Variants in INIP observed in about 807,000 individuals in gnomAD.
INIP encodes INTS3 and NABP interacting protein.
A neutral mutation model predicts 14.0 loss-of-function variants in INIP; 9 were observed. The ratio of observed to expected loss-of-function variants is 0.64; its 90% CI spans 0.39 to 1.12. The LOEUF (loss-of-function observed/expected upper bound fraction) is 1.12. INIP is among the 50% of genes most tolerant of loss of function. The pLI is 0.01. For synonymous variants in INIP, 37 were observed against 41.5 expected (o/e 0.89, Z 0.41); for missense variants, 78 against 122.7 (o/e 0.64, Z 1.72).
chr9:112,708,222 G>A (rs1169903210), intron 2 of INIP, among the ~76,000 whole-genome samples: 1 of 152,204 alleles, frequency 6.6e-6, no homozygotes, highest in Non-Finnish European at 1.5e-5. Flanking sequence ...GAAAGCGGGG[G>A]GAGCAGTGTC....
chr9:112,695,969 C>T (rs1838077484), intron 2 of INIP, among the ~76,000 whole-genome samples: 1 of 152,060 alleles, frequency 6.6e-6, no homozygotes, highest in Non-Finnish European at 1.5e-5. Flanking sequence ...CTCACTGCAG[C>T]CTCAAACTCC....
Position 112,717,994 on chromosome 9 carries a change from C to A in INIP, c.-64G>T, listed in dbSNP as rs1320879848. On this transcript the variant is annotated 5_prime_UTR_variant, in exon 1 of 5. Transcript: ENST00000374242. ...CCAGACTGTCGTACTTACCTGGGAC[C>A]CGAGGACACCGGGACCGCCTCTCCT... 1 of 152,704 alleles carries A rather than the reference C, an allele frequency of 6.5e-6. No homozygotes were observed. The highest frequency in any genetic ancestry group is 6.5e-5 in the Admixed American group (1 of 15,286). The allele number at this position is 152,704 out of a possible 1,614,324, so 9.5% of individuals were successfully genotyped here.
At chr9:112,698,980 G>A (rs1173776513) in intron 2 of INIP, among the ~76,000 whole-genome samples, 3 of 152,020 alleles carry the variant, frequency 2.0e-5, no homozygotes, top group African/African-American at 7.2e-5. Flanking sequence ...CTTAATACCT[G>A]AGACATCTTT....
At position 112,686,264 on chromosome 9, in the gene INIP, C is replaced by T. The variant is rs1393310647; in HGVS notation, c.*1274G>A. 1 of 152,056 alleles carries T rather than the reference C, an allele frequency of 6.6e-6. No individual in the cohort carries two copies. Among genetic ancestry groups the T allele is most frequent in the Non-Finnish European group, 1.5e-5 (1 of 68,002 alleles). 9.4% of individuals were successfully genotyped at this position (152,056 alleles called of 1,614,324 possible). A position where few individuals can be genotyped will look rare whatever the true frequency, so the allele number is the denominator to read the frequency against. On this transcript the variant is annotated 3_prime_UTR_variant, in exon 5 of 5. Coordinates refer to ENST00000374242, the MANE Select transcript of INIP (RefSeq NM_021218.3). The stretch of plus-strand genomic sequence containing the variant: ...AGTTTCAGGGATCTACAAACCCATG[C>T]GTGTATAAATATATCACGAAAATCT...
At chr9:112,690,900 AC>A (rs1422208535) in intron 3 of INIP, among the ~76,000 whole-genome samples, 1 of 152,156 alleles carries the variant, frequency 6.6e-6, no homozygotes, top group Non-Finnish European at 1.5e-5. Context: ...GGAGCCACTG[AC>A]CCATGGGGTA....
intron 2 of INIP, among the ~76,000 whole-genome samples, chr9:112,700,053 T>G (rs1182269067): frequency 3.9e-5 from 6 of 152,166 alleles, no homozygotes; most frequent in Admixed American, 2.6e-4. Flanking sequence ...ATAAAAAATA[T>G]TTAATTTCAT....
rs1838820482 is a variant in INIP, at chr9:112,716,464, G to A, written c.22C>T (p.Gln8Ter). The A allele has an allele frequency of 6.2e-7, 1 of 1,613,376 alleles. No individual in the cohort carries two copies. Among genetic ancestry groups the A allele is most frequent in the Non-Finnish European group, 8.5e-7 (1 of 1,179,540 alleles). ...AAGAAATTCCTGCTGTCATTACCTT[G>A]TCCTGAAGAGTTTGCTGCCATTTTC... Reference protein sequence around the residue: MAANSSGQGFQNKNRVAI... With the variant: MAANSSG Residue 8 changes from glutamine (Q) to a stop codon, truncating the protein, a stop_gained, in exon 2 of 5, where the codon CAA becomes TAA. Coordinates refer to ENST00000374242, the MANE Select transcript of INIP (RefSeq NM_021218.3). LOFTEE classifies it high-confidence loss of function.
chr9:112,687,451 CT>C lies in INIP; in HGVS notation c.*86del. ...AAAAATATCAAAGTTCACCAAAATT[CT>C]TAAAGTCACAGTTCATGTAGCACTG... On this transcript the variant is annotated 3_prime_UTR_variant, in exon 5 of 5. Transcript: ENST00000374242. 1 of 777,882 alleles carries C rather than the reference CT, an allele frequency of 1.3e-6. No homozygotes were observed. The highest frequency in any genetic ancestry group is 1.8e-5 in the South Asian group (1 of 55,674). The allele number at this position is 777,882 out of a possible 1,614,324, so 48.2% of individuals were successfully genotyped here.
chr9:112,703,304 T>C (rs1335848889), intron 2 of INIP, among the ~76,000 whole-genome samples: 1 of 152,208 alleles, frequency 6.6e-6, no homozygotes, highest in African/African-American at 2.4e-5. Context: ...ATTATTAACA[T>C]ATGCTCTAAG....
intron 4 of INIP, among the ~76,000 whole-genome samples, chr9:112,687,942 C>T (rs927342745): frequency 2.0e-5 from 3 of 151,920 alleles, no homozygotes; most frequent in Non-Finnish European, 2.9e-5. Flanking sequence ...AAAAGTTAGC[C>T]AGGCGTGGTG....
intron 2 of INIP, among the ~76,000 whole-genome samples, chr9:112,707,707 G>T (rs1209576192): frequency 6.6e-6 from 1 of 152,084 alleles, no homozygotes; most frequent in African/African-American, 2.4e-5. Context: ...TGATTATGCA[G>T]TTATGGACAA....
Position 112,683,978 on chromosome 9 carries a change from G to A in INIP, c.*3560C>T, listed in dbSNP as rs932436827. 6.6e-6 allele frequency: 1 copy of A among 151,000 alleles called. No homozygotes were observed. The highest frequency in any genetic ancestry group is 1.5e-5 in the Non-Finnish European group (1 of 67,690). 9.4% of individuals were successfully genotyped at this position (151,000 alleles called of 1,614,324 possible). A position where few individuals can be genotyped will look rare whatever the true frequency, so the allele number is the denominator to read the frequency against. On this transcript the variant is annotated 3_prime_UTR_variant, in exon 5 of 5. Transcript: ENST00000374242. ...GTTTTTATTCCAGGGTCAAAGCACT[G>A]ACATCTGCATTATTTAGAAGCGGCT... is the stretch of plus-strand genomic sequence containing the variant.
chr9:112,694,609 T>A (rs1295401248), intron 2 of INIP, among the ~76,000 whole-genome samples: 1 of 152,228 alleles, frequency 6.6e-6, no homozygotes, highest in African/African-American at 2.4e-5. Context: ...GCAGTCTCTA[T>A]CCTGCCGAGT....
chr9:112,702,576 A>AT (rs976866100), intron 2 of INIP, among the ~76,000 whole-genome samples: 4 of 151,798 alleles, frequency 2.6e-5, no homozygotes, highest in Non-Finnish European at 4.4e-5. Context: ...TTATTTATTT[A>AT]TTTTTTTTAG....
chr9:112,687,692 G>C, intron 4 of INIP, 59 bp from the exon 5 acceptor site: 1 of 953,550 alleles, frequency 1.0e-6, no homozygotes. Flanking sequence ...ACAATTCTTC[G>C]ACCAAGGCAT....
chr9:112,704,679 G>A (rs1838402988), intron 2 of INIP, among the ~76,000 whole-genome samples: 1 of 152,138 alleles, frequency 6.6e-6, no homozygotes, highest in Non-Finnish European at 1.5e-5. Flanking sequence ...TGAACTCTCA[G>A]TAATTTGAAA....
At position 112,684,154 on chromosome 9, in the gene INIP, AAG is replaced by A. The variant is rs1837574550; in HGVS notation, c.*3382_*3383del. The A allele has an allele frequency of 6.6e-6, 1 of 152,214 alleles. No homozygotes were observed. The highest frequency in any genetic ancestry group is 2.4e-5 in the African/African-American group (1 of 41,442). The allele number at this position is 152,214 out of a possible 1,614,324, so 9.4% of individuals were successfully genotyped here. ...TGGAATACAGTAGTGAACGAAGTAAAAGAGGAAGAAAGGAAAGGAGGAAGAGA... is the reference window on the plus strand; with the variant it reads ...TGGAATACAGTAGTGAACGAAGTAAAAGGAAGAAAGGAAAGGAGGAAGAGA... On this transcript the variant is annotated 3_prime_UTR_variant, in exon 5 of 5. Coordinates refer to ENST00000374242, the MANE Select transcript of INIP (RefSeq NM_021218.3).
At chr9:112,695,723 AAAG>A (rs1041256796) in intron 2 of INIP, among the ~76,000 whole-genome samples, 2 of 149,824 alleles carry the variant, frequency 1.3e-5, no homozygotes, top group African/African-American at 4.9e-5. Flanking sequence ...ATTCATTAAA[AAAG>A]AAGAAGAGGA....
intron 4 of INIP, 73 bp downstream of exon 4, chr9:112,689,454 A>G: frequency 1.7e-6 from 2 of 1,175,666 alleles, no homozygotes; most frequent in East Asian, 2.4e-5. Flanking sequence ...ACTGAAATAT[A>G]AAATAACTAT....
Sources: allele counts gnomAD v4.1 joint callset (sites outside exome capture counted in the v4.1 genomes callset), GRCh38; gene constraint gnomAD v4.1.1; transcripts MANE v1.5; gene names NCBI Gene and HGNC (gene_info 2026-07-23, HGNC 2026-07-21).